FMN1: variants seen among roughly 807,000 people sequenced by gnomAD.
FMN1 encodes the protein formin-1.
In FMN1, 110 loss-of-function variants were observed where a neutral mutation model predicts 132.4. The ratio of observed to expected loss-of-function variants is 0.83; its 90% CI spans 0.71 to 0.97. The LOEUF (loss-of-function observed/expected upper bound fraction) is 0.97, where lower values mean the gene tolerates loss of function less well. Among genes scored for constraint, FMN1 ranks in the 50% least tolerant of loss-of-function variants. FMN1 has a pLI of 0.00. For missense variants in FMN1, 1,792 were observed against 1,705.3 expected, an observed-to-expected ratio of 1.05 and a Z score of -0.90; for synonymous variants, 722 against 651.7, an observed-to-expected ratio of 1.11 and a Z score of -1.64.
chr15:32,879,379 T>C (rs2059710477), intron 16 of FMN1, among the ~76,000 whole-genome samples: 1 of 152,180 alleles, frequency 6.6e-6, no homozygotes, highest in Non-Finnish European at 1.5e-5. Flanking sequence ...AAATGGGCTG[T>C]GAAGGAGGAA....
chr15:33,047,208 C>CT (rs1457550091), intron 6 of FMN1, among the ~76,000 whole-genome samples: 1 of 152,192 alleles, frequency 6.6e-6, no homozygotes, highest in Non-Finnish European at 1.5e-5. Flanking sequence ...CATCTTCTAG[C>CT]TTCCCTTCTT....
At chr15:32,940,519 TAA>T (rs2140437731) in intron 9 of FMN1, among the ~76,000 whole-genome samples, 1 of 151,928 alleles carries the variant, frequency 6.6e-6, no homozygotes, top group East Asian at 1.9e-4. Context: ...ATCAGTAACT[TAA>T]AAGAGTTTGT....
At chr15:32,950,048 TATACAC>T (rs372100925) in intron 9 of FMN1, among the ~76,000 whole-genome samples, 2 of 5,562 alleles carry the variant, frequency 3.6e-4, no homozygotes, top group East Asian at 9.8e-3. Flanking sequence ...TATATATATA[TATACAC>T]ATATATATAT....
At chr15:32,878,377 T>C (rs2059686828) in intron 16 of FMN1, among the ~76,000 whole-genome samples, 1 of 152,174 alleles carries the variant, frequency 6.6e-6, no homozygotes. Flanking sequence ...TGCTGTGACC[T>C]ATGCGGCAGG....
At chr15:33,137,871 G>A (rs36014025) in intron 4 of FMN1, among the ~76,000 whole-genome samples, 11,126 of 152,204 alleles carry the variant, frequency 0.073, 466 homozygotes, top group African/African-American at 0.086. Flanking sequence ...AGAGATGAGG[G>A]ACTGCAGCTG....
intron 7 of FMN1, among the ~76,000 whole-genome samples, chr15:32,976,828 G>A (rs78955739): frequency 8.7e-4 from 133 of 152,280 alleles, no homozygotes; most frequent in African/African-American, 3.1e-3. Context: ...CTGACCTCAA[G>A]TAATCACCTG....
At chr15:33,054,401 C>G (rs1566871400) in intron 6 of FMN1, among the ~76,000 whole-genome samples, 1 of 151,964 alleles carries the variant, frequency 6.6e-6, no homozygotes, top group Non-Finnish European at 1.5e-5. Context: ...TTTATTAAGT[C>G]CTCAACTATG....
At chr15:32,955,537 T>C (rs1392607584) in intron 9 of FMN1, among the ~76,000 whole-genome samples, 1 of 152,208 alleles carries the variant, frequency 6.6e-6, no homozygotes, top group Non-Finnish European at 1.5e-5. Flanking sequence ...CTCATCCTGT[T>C]GTCTAGCTCC....
Position 32,899,981 on chromosome 15 carries a change from G to A in FMN1, c.3652C>T (p.Arg1218Trp), listed in dbSNP as rs774646883. 1.2e-5 allele frequency: 19 copies of A among 1,612,538 alleles called. No individual in the cohort carries two copies. Among genetic ancestry groups the A allele is most frequent in the Non-Finnish European group, 1.4e-5 (16 of 1,179,566 alleles). The stretch of plus-strand genomic sequence containing the variant: ...AACTTATTATGAAAAATAAATACCC[G>A]ACTTTTGACATCCTTGAGTTTGGGC... Reference protein sequence around the residue: ...ILPKLKDVKSRDNGINLVDYV... With the variant: ...ILPKLKDVKSWDNGINLVDYV... Residue 1218 changes from arginine to tryptophan, a missense_variant and splice_region_variant, in exon 14 of 21, where the codon CGG becomes TGG. By Grantham distance (101) the Arg-to-Trp change is moderately radical. Around this residue, in one of 3 missense-constraint regions of FMN1, gnomAD observed 1,150 missense variants for 1,043.1 expected, o/e 1.10. Coordinates refer to ENST00000616417, the MANE Select transcript of FMN1 (RefSeq NM_001277313.2).
rs1022823355 is a variant in FMN1 at position 32,891,050 on chromosome 15, G to C, written c.3715-2758C>G. On this transcript the variant is annotated intron_variant, in intron 15 of 20. Coordinates refer to ENST00000616417, the MANE Select transcript of FMN1 (RefSeq NM_001277313.2). Reference sequence around the variant, plus strand: ...TTTGTTGAAGATCAGTTGGCTGTAAGTATTTGGGTTTATTTCTGGGTTTTC... The same window carrying C: ...TTTGTTGAAGATCAGTTGGCTGTAACTATTTGGGTTTATTTCTGGGTTTTC... Among the ~76,000 whole-genome samples, 46 of 152,124 alleles carry C rather than the reference G, an allele frequency of 3.0e-4. 3 individuals are homozygous for C. Among genetic ancestry groups the C allele is most frequent in the Non-Finnish European group, 2.2e-4 (15 of 68,012 alleles).
chr15:33,120,294 G>A (rs958758898), intron 4 of FMN1, among the ~76,000 whole-genome samples: 1 of 152,146 alleles, frequency 6.6e-6, no homozygotes, highest in Non-Finnish European at 1.5e-5. Context: ...GCTAAAGATA[G>A]CAGATGTGCT....
At position 33,095,253 on chromosome 15, in the gene FMN1, C is replaced by T. The variant is rs1300353417; in HGVS notation, c.1868-6279G>A. ...ATCCCAGCTACTTGGAAGGCTGAGG[C>T]ACAAGAATTGCTTGAACCCGGGAGG... On this transcript the variant is annotated intron_variant, in intron 4 of 20. Coordinates refer to ENST00000616417, the MANE Select transcript of FMN1 (RefSeq NM_001277313.2). 3.9e-5 allele frequency among the ~76,000 whole-genome samples: 6 copies of T among 152,034 alleles called. No homozygotes were observed. In the East Asian group the frequency reaches 1.2e-3, roughly 29 times the overall value.
intron 7 of FMN1, among the ~76,000 whole-genome samples, chr15:32,976,484 T>A (rs1296681764): frequency 6.6e-6 from 1 of 152,202 alleles, no homozygotes; most frequent in Non-Finnish European, 1.5e-5. Flanking sequence ...TACTAGCCAC[T>A]GTAAAAACAA....
At chr15:32,977,719 A>G (rs1281159433) in intron 7 of FMN1, among the ~76,000 whole-genome samples, 1 of 152,230 alleles carries the variant, frequency 6.6e-6, no homozygotes, top group African/African-American at 2.4e-5. Context: ...TAAAAGCTTC[A>G]TAAGAGCTTA....
intron 5 of FMN1, among the ~76,000 whole-genome samples, chr15:33,086,128 G>A (rs1050419645): frequency 6.6e-6 from 1 of 152,018 alleles, no homozygotes; most frequent in Non-Finnish European, 1.5e-5. Flanking sequence ...GCATGCGCCT[G>A]TAGTCCCAGC....
intron 16 of FMN1, among the ~76,000 whole-genome samples, chr15:32,863,772 A>C (rs1007023838): frequency 6.6e-6 from 1 of 152,212 alleles, no homozygotes; most frequent in Non-Finnish European, 1.5e-5. Context: ...ACGTGGTTAG[A>C]AAAAGTGAAT....
rs760909779 is a variant in FMN1 at position 32,900,113 on chromosome 15, C to G, written c.3520G>C (p.Val1174Leu). 6.2e-7 allele frequency: 1 copy of G among 1,613,794 alleles called. No homozygotes were observed. Among genetic ancestry groups the G allele is most frequent in the South Asian group, 1.1e-5 (1 of 91,078 alleles). The change falls in exon 14 of 21, where the codon GTG (valine) becomes CTG (leucine). Residue 1174 changes from valine to leucine, a missense_variant. Val to Leu is a conservative substitution (Grantham distance 32). Around this residue, in one of 3 missense-constraint regions of FMN1, gnomAD observed 1,150 missense variants for 1,043.1 expected, o/e 1.10. Transcript: ENST00000616417. ...ITRASKDLLH[V>L]KSVKDILALI... ...GCTAAAATATCCTTCACGCTCTTCA[C>G]GTGCAGCAAGTCCTGTGATGGCAAA...
At chr15:32,987,729 T>C (rs1425206438) in intron 7 of FMN1, among the ~76,000 whole-genome samples, 2 of 152,196 alleles carry the variant, frequency 1.3e-5, no homozygotes, top group East Asian at 3.8e-4. Flanking sequence ...TCATGTATTT[T>C]TCAGATTTTC....
chr15:32,994,349 A>G (rs1233839033), intron 7 of FMN1, among the ~76,000 whole-genome samples: 5 of 151,942 alleles, frequency 3.3e-5, no homozygotes, highest in Admixed American at 2.6e-4. Context: ...CCAGAGCTAC[A>G]TTTCCCACCT....
Sources: allele counts gnomAD v4.1 joint callset (sites outside exome capture counted in the v4.1 genomes callset), GRCh38; gene constraint gnomAD v4.1.1; regional missense constraint gnomAD v4.1.1; transcripts MANE v1.5; gene names NCBI Gene and HGNC (gene_info 2026-07-23, HGNC 2026-07-21).